Variants in ATF7IP observed in about 807,000 individuals in gnomAD.
The protein encoded by ATF7IP is activating transcription factor 7 interacting protein.
A neutral mutation model predicts 106.4 loss-of-function variants in ATF7IP; 23 were observed. The ratio of observed to expected loss-of-function variants is 0.22; its 90% CI spans 0.16 to 0.31. ATF7IP has a LOEUF of 0.31. ATF7IP is among the 10% of genes least tolerant of loss of function. The pLI is 1.00. For missense variants in ATF7IP, 1,334 were observed against 1,524.3 expected (o/e 0.88, Z 2.08); for synonymous variants, 542 against 539.0 (o/e 1.01, Z -0.08).
At chr12:14,439,082 A>T (rs1942568019) in intron 5 of ATF7IP, among the ~76,000 whole-genome samples, 1 of 152,224 alleles carries the variant, frequency 6.6e-6, no homozygotes, top group Admixed American at 6.5e-5. Context: ...ACTATATCTT[A>T]ACATACAATA....
At chr12:14,406,249 C>T (rs1940573119) in intron 1 of ATF7IP, among the ~76,000 whole-genome samples, 1 of 152,180 alleles carries the variant, frequency 6.6e-6, no homozygotes, top group Non-Finnish European at 1.5e-5. Context: ...CAGATGTCTG[C>T]CACCACGCCT....
At chr12:14,394,032 A>G (rs1939711656) in intron 1 of ATF7IP, among the ~76,000 whole-genome samples, 1 of 152,214 alleles carries the variant, frequency 6.6e-6, no homozygotes, top group African/African-American at 2.4e-5. Flanking sequence ...TACTCAGCAC[A>G]TGCTTTGGTA....
At chr12:14,431,849 A>G (rs1942156872) in intron 2 of ATF7IP, among the ~76,000 whole-genome samples, 1 of 152,174 alleles carries the variant, frequency 6.6e-6, no homozygotes, top group African/African-American at 2.4e-5. Context: ...GGCTTTGTGG[A>G]CAAAATAAAA....
At chr12:14,473,288 C>CTGTGTGTGTGTG (rs796814505) in intron 10 of ATF7IP, among the ~76,000 whole-genome samples, 17 of 140,432 alleles carry the variant, frequency 1.2e-4, no homozygotes, top group East Asian at 4.2e-4. Context: ...CTCTCTCTCT[C>CTGTGTGTGTGTG]TCTGTGTGTG....
At chr12:14,463,511 CTAAT>C (rs1186398419) in intron 9 of ATF7IP, among the ~76,000 whole-genome samples, 1 of 152,000 alleles carries the variant, frequency 6.6e-6, no homozygotes, top group Non-Finnish European at 1.5e-5. Context: ...AATTAAATAA[CTAAT>C]TAATTATAAA....
intron 1 of ATF7IP, among the ~76,000 whole-genome samples, chr12:14,421,144 T>G (rs949411881): frequency 6.6e-6 from 1 of 152,222 alleles, no homozygotes. Context: ...AGACATGATA[T>G]CTCTAGTTTT....
At chr12:14,410,125 G>A (rs1263209315) in intron 1 of ATF7IP, among the ~76,000 whole-genome samples, 1 of 152,082 alleles carries the variant, frequency 6.6e-6, no homozygotes, top group African/African-American at 2.4e-5. Flanking sequence ...GCCACTTTCT[G>A]TCTGTATAGA....
At chr12:14,463,065 AG>A (rs1200970676) in intron 9 of ATF7IP, among the ~76,000 whole-genome samples, 1 of 152,112 alleles carries the variant, frequency 6.6e-6, no homozygotes, top group African/African-American at 2.4e-5. Context: ...TAATTTCAGC[AG>A]TGCCATAAAT....
chr12:14,432,171 C>G (rs1361353680), intron 2 of ATF7IP, among the ~76,000 whole-genome samples: 1 of 152,136 alleles, frequency 6.6e-6, no homozygotes, highest in African/African-American at 2.4e-5. Context: ...TCTGGATGCT[C>G]TGGCTTGGAG....
chr12:14,382,291 A>T (rs1295383322), intron 1 of ATF7IP, among the ~76,000 whole-genome samples: 7 of 152,242 alleles, frequency 4.6e-5, no homozygotes, highest in Non-Finnish European at 1.0e-4. Flanking sequence ...AACATTAGAA[A>T]TTGGTTGCAA....
chr12:14,459,667 C>T (rs1312566314), intron 8 of ATF7IP, among the ~76,000 whole-genome samples: 1 of 152,196 alleles, frequency 6.6e-6, no homozygotes, highest in African/African-American at 2.4e-5. Context: ...AAACCCCAGG[C>T]ACCCCGCTGG....
intron 1 of ATF7IP, among the ~76,000 whole-genome samples, chr12:14,391,104 A>AT: frequency 6.6e-6 from 1 of 152,256 alleles, no homozygotes; most frequent in East Asian, 1.9e-4. Flanking sequence ...CCTAATGTCT[A>AT]TTCAAATAAG....
intron 13 of ATF7IP, chr12:14,481,719 T>C (rs945193074): frequency 1.5e-5 from 5 of 342,974 alleles, no homozygotes; most frequent in African/African-American, 6.6e-5. Context: ...CAATTTGATA[T>C]TGGTATATTC....
At chr12:14,400,698 G>A (rs1020857115) in intron 1 of ATF7IP, among the ~76,000 whole-genome samples, 3 of 151,952 alleles carry the variant, frequency 2.0e-5, no homozygotes, top group Non-Finnish European at 2.9e-5. Flanking sequence ...TACCTTAAAG[G>A]TCCTTTGCTG....
chr12:14,489,211 GA>G (rs1944727544), intron 13 of ATF7IP, among the ~76,000 whole-genome samples: 1 of 152,116 alleles, frequency 6.6e-6, no homozygotes, highest in Non-Finnish European at 1.5e-5. Context: ...CGCCTTAATG[GA>G]TCTCCTGTAT....
chr12:14,431,451 G>A (rs1165908315), intron 2 of ATF7IP, among the ~76,000 whole-genome samples: 5 of 151,136 alleles, frequency 3.3e-5, no homozygotes, highest in African/African-American at 1.2e-4. Context: ...CTGGAGTGCA[G>A]TGGTGCGATA....
At chr12:14,407,292 C>T (rs1940643893) in intron 1 of ATF7IP, among the ~76,000 whole-genome samples, 1 of 152,120 alleles carries the variant, frequency 6.6e-6, no homozygotes, top group African/African-American at 2.4e-5. Context: ...TTGGTTTTAA[C>T]ATGACTTGGC....
intron 1 of ATF7IP, among the ~76,000 whole-genome samples, chr12:14,407,549 A>G (rs909264457): frequency 1.3e-5 from 2 of 152,300 alleles, no homozygotes; most frequent in Middle Eastern, 3.4e-3. Flanking sequence ...AGACATGCCT[A>G]TTAAGCATTA....
At chr12:14,497,445 T>C (rs997827348) in intron 14 of ATF7IP, among the ~76,000 whole-genome samples, 2 of 152,206 alleles carry the variant, frequency 1.3e-5, no homozygotes, top group African/African-American at 2.4e-5. Flanking sequence ...GGAAGTATAG[T>C]AGGAATAACC....
Sources: allele counts gnomAD v4.1 joint callset (sites outside exome capture counted in the v4.1 genomes callset), GRCh38; gene constraint gnomAD v4.1.1; transcripts MANE v1.5; gene names NCBI Gene and HGNC (gene_info 2026-07-23, HGNC 2026-07-21).